CCR5AS: variants seen among roughly 807,000 people sequenced by gnomAD.
The protein encoded by CCR5AS is CCR5 antisense RNA.
intron 1 of CCR5AS, among the ~76,000 whole-genome samples, chr3:46,396,197 G>A (rs183745932): frequency 2.6e-4 from 39 of 152,258 alleles, no homozygotes; most frequent in African/African-American, 8.2e-4. Context: ...TAAAAGAAAC[G>A]TTTCTTATCT....
chr3:46,382,639 G>A (rs897079321), intron 2 of CCR5AS, among the ~76,000 whole-genome samples: 14 of 152,058 alleles, frequency 9.2e-5, no homozygotes, highest in African/African-American at 3.1e-4. Context: ...TTGTAATGAC[G>A]GGAATGCTTT....
intron 2 of CCR5AS, among the ~76,000 whole-genome samples, chr3:46,379,843 G>A (rs1326964787): frequency 6.6e-6 from 1 of 152,080 alleles, no homozygotes; most frequent in African/African-American, 2.4e-5. Flanking sequence ...GTTGCAGTGA[G>A]CTGACATCTA....
chr3:46,387,095 A>G (rs1701868649), intron 2 of CCR5AS, among the ~76,000 whole-genome samples: 1 of 152,180 alleles, frequency 6.6e-6, no homozygotes, highest in Non-Finnish European at 1.5e-5. Flanking sequence ...GAAGTGGAGG[A>G]AAAAGAGCTT....
At chr3:46,379,381 CCAA>C (rs1240536827) in intron 2 of CCR5AS, among the ~76,000 whole-genome samples, 1 of 151,972 alleles carries the variant, frequency 6.6e-6, no homozygotes, top group East Asian at 1.9e-4. Flanking sequence ...ACCCAAATGT[CCAA>C]CAATGATAGA....
At chr3:46,381,929 G>A (rs1227814635) in intron 2 of CCR5AS, among the ~76,000 whole-genome samples, 1 of 152,234 alleles carries the variant, frequency 6.6e-6, no homozygotes, top group Non-Finnish European at 1.5e-5. Context: ...GGGTGTTACT[G>A]ATACAGGAGC....
At chr3:46,371,903 G>A (rs906687155) in intron 2 of CCR5AS, among the ~76,000 whole-genome samples, 1 of 152,156 alleles carries the variant, frequency 6.6e-6, no homozygotes, top group African/African-American at 2.4e-5. Flanking sequence ...AACATCTGAT[G>A]GTCTTGCCTT....
chr3:46,374,460 T>C lies in CCR5AS; in HGVS notation n.392-3043A>G, dbSNP rs369515918. 7 of 167,386 alleles carry C rather than the reference T, an allele frequency of 4.2e-5. No homozygotes were observed. The East Asian group carries it at 7.7e-4, about 18-fold the overall frequency. The allele number at this position is 167,386 out of a possible 1,614,324, so 10.4% of individuals were successfully genotyped here. A position where few individuals can be genotyped will look rare whatever the true frequency, so the allele number is the denominator to read the frequency against. On this transcript the variant is annotated intron_variant and non_coding_transcript_variant, in intron 2 of 3. Transcript: ENST00000451485. Reference sequence around the variant, plus strand: ...ATGATTAGTAAAGAAATGACACTTTTCATGTGTGATTTCCCCTCCAAGGTA... The same window carrying C: ...ATGATTAGTAAAGAAATGACACTTTCCATGTGTGATTTCCCCTCCAAGGTA...
intron 1 of CCR5AS, among the ~76,000 whole-genome samples, chr3:46,402,912 C>A (rs1433917365): frequency 1.3e-5 from 2 of 152,184 alleles, no homozygotes; most frequent in Non-Finnish European, 2.9e-5. Flanking sequence ...CTCAAGTAGA[C>A]CCCGGTGTCT....
intron 1 of CCR5AS, among the ~76,000 whole-genome samples, chr3:46,394,798 G>C (rs1322881618): frequency 1.3e-5 from 2 of 152,202 alleles, no homozygotes; most frequent in African/African-American, 2.4e-5. Flanking sequence ...GTGGCATCTT[G>C]AGAGCAGAAA....
chr3:46,388,447 C>T (rs147209083), intron 2 of CCR5AS, among the ~76,000 whole-genome samples: 88 of 152,276 alleles, frequency 5.8e-4, no homozygotes, highest in African/African-American at 2.1e-3. Flanking sequence ...AGGAGAAAAA[C>T]AGGCATTAAA....
intron 1 of CCR5AS, among the ~76,000 whole-genome samples, chr3:46,398,690 T>A (rs528578915): frequency 2.0e-5 from 3 of 152,332 alleles, no homozygotes; most frequent in South Asian, 2.1e-4. Flanking sequence ...TAGGGTTTTT[T>A]AAATTCTTTT....
At chr3:46,399,604 G>A (rs1701989580) in intron 1 of CCR5AS, among the ~76,000 whole-genome samples, 1 of 152,140 alleles carries the variant, frequency 6.6e-6, no homozygotes, top group South Asian at 2.1e-4. Flanking sequence ...AGAAAATGTG[G>A]GAAAAAATGA....
exon 2 of CCR5AS, chr3:46,392,879 A>C (rs1701924926): frequency 4.7e-6 from 1 of 214,986 alleles, no homozygotes; most frequent in Non-Finnish European, 9.1e-6. Context: ...CTGAGGTCGT[A>C]GGTGGATCTT....
chr3:46,395,772 C>T (rs1056208091), intron 1 of CCR5AS, among the ~76,000 whole-genome samples: 7 of 150,402 alleles, frequency 4.7e-5, no homozygotes, highest in Non-Finnish European at 8.9e-5. Context: ...GGTTCTGCCC[C>T]CAAGCCCTGG....
intron 2 of CCR5AS, among the ~76,000 whole-genome samples, chr3:46,381,803 G>C (rs1559571550): frequency 6.6e-6 from 1 of 152,174 alleles, no homozygotes; most frequent in Non-Finnish European, 1.5e-5. Flanking sequence ...AGAGAAGAGG[G>C]CAGGGACTTG....
intron 2 of CCR5AS, among the ~76,000 whole-genome samples, chr3:46,389,753 A>G (rs1383810839): frequency 6.6e-6 from 1 of 152,166 alleles, no homozygotes; most frequent in Non-Finnish European, 1.5e-5. Context: ...AAGTGGTTTG[A>G]TTAGGATAGC....
rs896807644 is a variant in CCR5AS, at chr3:46,400,309, C to T, written n.163+6588G>A. 4.6e-5 allele frequency among the ~76,000 whole-genome samples: 7 copies of T among 152,210 alleles called. No individual in the cohort carries two copies. In the East Asian group the frequency reaches 1.4e-3, roughly 29 times the overall value. On this transcript the variant is annotated intron_variant and non_coding_transcript_variant, in intron 1 of 3. Transcript: ENST00000451485. The stretch of plus-strand genomic sequence containing the variant: ...CTAAGTGGTTTTAAACAGCTGTTCT[C>T]GGAAACACACACTCAAAGAAAAAAT...
intron 1 of CCR5AS, among the ~76,000 whole-genome samples, chr3:46,406,455 C>G (rs1702048491): frequency 6.6e-6 from 1 of 152,032 alleles, no homozygotes. Context: ...CTCCCCTCCC[C>G]ACAGCCTCCT....
intron 3 of CCR5AS, among the ~76,000 whole-genome samples, chr3:46,366,242 A>G (rs1455797064): frequency 6.6e-6 from 1 of 152,130 alleles, no homozygotes; most frequent in East Asian, 1.9e-4. Flanking sequence ...AGTGCATAAC[A>G]CTTCTTTGCC....
Sources: gnomAD v4.1 joint callset for allele counts (sites outside exome capture counted in the v4.1 genomes callset) on GRCh38, gnomAD v4.1.1 for gene constraint, MANE v1.5 for transcripts, NCBI Gene and HGNC (gene_info 2026-07-23, HGNC 2026-07-21) for gene names.